Variants in PTPRK observed in about 807,000 individuals in gnomAD.
PTPRK encodes the protein protein tyrosine phosphatase receptor type K.
PTPRK carries 75 observed loss-of-function variants against 178.0 expected under a neutral mutation model. That is an observed-to-expected ratio of 0.42 (90% confidence interval 0.35 to 0.51). PTPRK has a LOEUF of 0.51. Among genes scored for constraint, PTPRK ranks in the 20% least tolerant of loss-of-function variants. The pLI, the probability that PTPRK is intolerant of heterozygous loss-of-function variation, is 0.02. For synonymous variants in PTPRK, 637 were observed against 620.6 expected (o/e 1.03, Z -0.39); for missense variants, 1,441 against 1,797.8 (o/e 0.80, Z 3.59).
At chr6:128,305,151 A>G (rs1826189525) in intron 3 of PTPRK, among the ~76,000 whole-genome samples, 1 of 152,226 alleles carries the variant, frequency 6.6e-6, no homozygotes, top group Non-Finnish European at 1.5e-5. Flanking sequence ...TTTTTGAAGA[A>G]TTCCCGTTTC....
chr6:128,419,541 G>T (rs951882395), intron 1 of PTPRK, among the ~76,000 whole-genome samples: 7 of 151,930 alleles, frequency 4.6e-5, no homozygotes, highest in Admixed American at 1.3e-4. Flanking sequence ...CCCGGGAGGC[G>T]GAGCTTGCAG....
At chr6:128,168,615 T>C (rs1799757632) in intron 7 of PTPRK, among the ~76,000 whole-genome samples, 4 of 152,112 alleles carry the variant, frequency 2.6e-5, no homozygotes, top group East Asian at 1.9e-4. Flanking sequence ...GTAAACCCTA[T>C]TGTGAACTGT....
intron 1 of PTPRK, among the ~76,000 whole-genome samples, chr6:128,494,646 C>T (rs973432013): frequency 6.6e-6 from 1 of 152,164 alleles, no homozygotes; most frequent in South Asian, 2.1e-4. Flanking sequence ...TATCTTGACG[C>T]TTTGGGAAGG....
At chr6:128,156,717 C>T (rs189930673) in intron 7 of PTPRK, among the ~76,000 whole-genome samples, 1 of 151,830 alleles carries the variant, frequency 6.6e-6, no homozygotes, top group Non-Finnish European at 1.5e-5. Context: ...AATATACAAT[C>T]GTTATTTAAG....
At chr6:128,438,821 CA>C (rs2128399238) in intron 1 of PTPRK, among the ~76,000 whole-genome samples, 1 of 152,210 alleles carries the variant, frequency 6.6e-6, no homozygotes, top group African/African-American at 2.4e-5. Flanking sequence ...TAATGGGCAG[CA>C]TTTACAGAGA....
chr6:128,260,129 G>A (rs1407643103), intron 3 of PTPRK, among the ~76,000 whole-genome samples: 1 of 151,990 alleles, frequency 6.6e-6, no homozygotes, highest in Admixed American at 6.6e-5. Context: ...TAGACCTATA[G>A]AGTATATTAT....
At chr6:128,263,846 C>A (rs905785393) in intron 3 of PTPRK, among the ~76,000 whole-genome samples, 15 of 152,070 alleles carry the variant, frequency 9.9e-5, no homozygotes, top group African/African-American at 3.6e-4. Context: ...GAAAGAGTAC[C>A]TTGTAGAGGT....
At chr6:128,359,935 T>A (rs1258198395) in intron 2 of PTPRK, among the ~76,000 whole-genome samples, 1 of 152,146 alleles carries the variant, frequency 6.6e-6, no homozygotes, top group Non-Finnish European at 1.5e-5. Flanking sequence ...GGAATGCTGG[T>A]CTTTTTCACA....
chr6:128,432,726 C>T (rs1891146), intron 1 of PTPRK, among the ~76,000 whole-genome samples: 26,088 of 151,254 alleles, frequency 0.17, 4,384 homozygotes, highest in African/African-American at 0.44. Flanking sequence ...CCCTACCATA[C>T]AGGTATGTTG....
chr6:128,040,840 C>T (rs1777043712), intron 13 of PTPRK, among the ~76,000 whole-genome samples: 1 of 151,900 alleles, frequency 6.6e-6, no homozygotes, highest in African/African-American at 2.4e-5. Context: ...ACCTCTTTAC[C>T]AGTTAATACA....
intron 2 of PTPRK, among the ~76,000 whole-genome samples, chr6:128,383,111 A>G (rs1315075569): frequency 6.6e-6 from 1 of 152,192 alleles, no homozygotes; most frequent in Admixed American, 6.5e-5. Flanking sequence ...TAAGCTAAGA[A>G]GAGTCTGTTT....
intron 2 of PTPRK, among the ~76,000 whole-genome samples, chr6:128,381,263 T>C (rs1837872865): frequency 1.3e-5 from 2 of 152,188 alleles, no homozygotes. Context: ...AAAAACAGTC[T>C]TAAGACTTGA....
chr6:128,486,616 C>A (rs1852930442), intron 1 of PTPRK, among the ~76,000 whole-genome samples: 1 of 151,984 alleles, frequency 6.6e-6, no homozygotes, highest in South Asian at 2.1e-4. Flanking sequence ...CCAGCCTGGG[C>A]AACATGGTGA....
intron 1 of PTPRK, among the ~76,000 whole-genome samples, chr6:128,424,972 T>G (rs566298883): frequency 1.3e-5 from 2 of 152,102 alleles, no homozygotes; most frequent in Non-Finnish European, 2.9e-5. Flanking sequence ...AATAGGTTTT[T>G]GGGGAATAGG....
At chr6:128,439,379 T>A (rs1435775074) in intron 1 of PTPRK, among the ~76,000 whole-genome samples, 4 of 152,174 alleles carry the variant, frequency 2.6e-5, no homozygotes, top group Non-Finnish European at 5.9e-5. Flanking sequence ...ATATATTTTT[T>A]AATAAAATAA....
chr6:128,392,412 TCTAAA>T (rs1839723290), intron 2 of PTPRK, among the ~76,000 whole-genome samples: 1 of 152,204 alleles, frequency 6.6e-6, no homozygotes, highest in African/African-American at 2.4e-5. Flanking sequence ...CTCTAGAGAC[TCTAAA>T]CTAAAATTCA....
chr6:128,192,630 C>T (rs763529250), intron 6 of PTPRK, among the ~76,000 whole-genome samples: 18 of 151,840 alleles, frequency 1.2e-4, no homozygotes, highest in Admixed American at 2.0e-4. Flanking sequence ...GACCAGCCTG[C>T]GCAACATGGT....
chr6:128,504,607 G>A (rs1049501171), intron 1 of PTPRK, among the ~76,000 whole-genome samples: 1 of 152,176 alleles, frequency 6.6e-6, no homozygotes, highest in Non-Finnish European at 1.5e-5. Context: ...AGCCGGGAAA[G>A]GGCACAATGT....
chr6:128,348,064 T>C (rs538548428), intron 2 of PTPRK, among the ~76,000 whole-genome samples: 3 of 152,012 alleles, frequency 2.0e-5, no homozygotes, highest in Non-Finnish European at 2.9e-5. Context: ...TATTGTAGCT[T>C]TGACACAACA....
Sources: gnomAD v4.1 joint callset for allele counts (sites outside exome capture counted in the v4.1 genomes callset) on GRCh38, gnomAD v4.1.1 for gene constraint, MANE v1.5 for transcripts, NCBI Gene and HGNC (gene_info 2026-07-23, HGNC 2026-07-21) for gene names.